Variants in NTM observed in about 807,000 individuals in gnomAD.
The protein encoded by NTM is neurotrimin, also known as IgLON family member 2.
NTM carries 13 observed loss-of-function variants against 42.1 expected under a neutral mutation model. The observed-to-expected ratio is 0.31, with a 90% CI of 0.20 to 0.49. NTM has a LOEUF of 0.49. Ranked by LOEUF, NTM falls within the 20% of genes least tolerant of loss-of-function variation. The probability of loss-of-function intolerance (pLI) is 0.99; values close to 1 mark genes in which losing one functional copy is unlikely to be tolerated. For missense variants in NTM, 373 were observed against 452.8 expected (o/e 0.82, Z 1.60); for synonymous variants, 187 against 179.2 (o/e 1.04, Z -0.35).
chr11:132,016,033 G>A (rs1016414647), intron 2 of NTM, among the ~76,000 whole-genome samples: 11 of 151,674 alleles, frequency 7.3e-5, no homozygotes, highest in African/African-American at 2.7e-4. Flanking sequence ...TTCTCATTCA[G>A]TATGATGTTA....
intron 1 of NTM, among the ~76,000 whole-genome samples, chr11:131,488,651 CCA>C (rs1280066698): frequency 6.6e-5 from 10 of 152,178 alleles, no homozygotes; most frequent in Admixed American, 6.5e-5. Context: ...GGCCAGTCCA[CCA>C]CAGTCTGCCT....
At chr11:131,379,154 G>C (rs1446877330) in intron 1 of NTM, among the ~76,000 whole-genome samples, 1 of 152,166 alleles carries the variant, frequency 6.6e-6, no homozygotes, top group Non-Finnish European at 1.5e-5. Flanking sequence ...TTCACAACCA[G>C]CTCAGGCTGG....
At chr11:131,425,654 C>A (rs1210592133) in intron 1 of NTM, among the ~76,000 whole-genome samples, 1 of 152,154 alleles carries the variant, frequency 6.6e-6, no homozygotes, top group Non-Finnish European at 1.5e-5. Context: ...AAGGGCAAAG[C>A]AGGATCACTT....
In NTM at chr11:132,323,541, A is replaced by G. The variant is rs370918313; in HGVS notation, c.935-6612A>G. On this transcript the variant is annotated intron_variant, in intron 7 of 8. Transcript: ENST00000683400. ...AAATTGCGGCAATAATCAATAGCTT[A>G]CCAACCAAAAAGAGTCCAGGACCAG... is the stretch of plus-strand genomic sequence containing the variant. Among the ~76,000 whole-genome samples the G allele has an allele frequency of 1.7e-4, 26 of 151,976 alleles. No individual in the cohort carries two copies. The East Asian group carries it at 4.1e-3, about 24-fold the overall frequency.
chr11:131,766,511 G>T (rs77349203), intron 1 of NTM, among the ~76,000 whole-genome samples: 1,628 of 152,194 alleles, frequency 0.011, 12 homozygotes, highest in Middle Eastern at 0.02. Context: ...ATTATAAACT[G>T]GTATTTGAGC....
chr11:132,136,315 T>A (rs1375304494), intron 2 of NTM, among the ~76,000 whole-genome samples: 1 of 152,204 alleles, frequency 6.6e-6, no homozygotes, highest in Non-Finnish European at 1.5e-5. Context: ...CCCCAGGCAG[T>A]CATGTGGGCA....
chr11:132,022,479 T>G (rs766268110), intron 2 of NTM, among the ~76,000 whole-genome samples: 3 of 152,206 alleles, frequency 2.0e-5, no homozygotes, highest in Non-Finnish European at 4.4e-5. Context: ...AATTTGTAAG[T>G]ACACTCTTAG....
intron 1 of NTM, among the ~76,000 whole-genome samples, chr11:131,532,555 T>C (rs2051453316): frequency 6.6e-6 from 1 of 152,226 alleles, no homozygotes; most frequent in East Asian, 1.9e-4. Context: ...TTCAAGTCCC[T>C]GCTTTCTATT....
rs563307276 is a variant in NTM at position 132,104,065 on chromosome 11, G to A, written c.168-42217G>A. ...CTACAGAGTATATCTGATGCAGACC[G>A]GGACTGTGTTTTTCGTTGTTGTTGT... On this transcript the variant is annotated intron_variant, in intron 2 of 8. Transcript: ENST00000683400. Among the ~76,000 whole-genome samples, 28 of 152,288 alleles carry A rather than the reference G, an allele frequency of 1.8e-4. No homozygotes were observed. In the South Asian group the frequency reaches 4.8e-3, roughly 26 times the overall value.
rs189723540 is a variant in NTM at position 131,709,825 on chromosome 11, C to G, written c.83-201739C>G. ...TCGCCCAAGGTGTGAGCCTTAGGCA[C>G]TCCAGCACTGACAGGAAGGAGGGAA... is the stretch of plus-strand genomic sequence containing the variant. On this transcript the variant is annotated intron_variant, in intron 1 of 8. Coordinates refer to ENST00000683400, the MANE Select transcript of NTM (RefSeq NM_001352005.2). 7.2e-5 allele frequency among the ~76,000 whole-genome samples: 11 copies of G among 152,158 alleles called. No individual in the cohort carries two copies. The East Asian group carries it at 2.1e-3, about 29-fold the overall frequency.
At position 132,335,333 on chromosome 11, in the gene NTM, A is replaced by T. The variant is rs150146034; in HGVS notation, c.*187A>T. 8.3e-5 allele frequency: 54 copies of T among 652,898 alleles called. No individual in the cohort carries two copies. In the East Asian group the frequency reaches 1.5e-3, roughly 18 times the overall value. 40.4% of individuals were successfully genotyped at this position (652,898 alleles called of 1,614,324 possible). A position where few individuals can be genotyped will look rare whatever the true frequency, so the allele number is the denominator to read the frequency against. On this transcript the variant is annotated 3_prime_UTR_variant, in exon 9 of 9. Coordinates refer to ENST00000683400, the MANE Select transcript of NTM (RefSeq NM_001352005.2). ...TTTGGGGGGAAAAAAGTTTTAAAAA[A>T]GAAATTGAAAATTGCCTTGCAGATA...
intron 1 of NTM, among the ~76,000 whole-genome samples, chr11:131,455,305 C>T (rs1043993207): frequency 1.3e-5 from 2 of 152,194 alleles, no homozygotes; most frequent in African/African-American, 4.8e-5. Flanking sequence ...CGGAGGCTCA[C>T]CCCAGAGGCT....
At chr11:132,105,099 G>A (rs1038540743) in intron 2 of NTM, among the ~76,000 whole-genome samples, 19 of 150,388 alleles carry the variant, frequency 1.3e-4, no homozygotes, top group Admixed American at 2.7e-4. Context: ...GAGACCTCAG[G>A]TTCACTGTGT....
At chr11:131,760,832 A>T (rs1460275073) in intron 1 of NTM, among the ~76,000 whole-genome samples, 1 of 152,140 alleles carries the variant, frequency 6.6e-6, no homozygotes, top group Non-Finnish European at 1.5e-5. Context: ...GTTCCAGGGG[A>T]CGTTGGAGCG....
intron 1 of NTM, among the ~76,000 whole-genome samples, chr11:131,552,217 C>T (rs183763034): frequency 6.6e-6 from 1 of 152,158 alleles, no homozygotes; most frequent in South Asian, 2.1e-4. Flanking sequence ...CAGAAAATAA[C>T]CCTGCCAACA....
intron 1 of NTM, among the ~76,000 whole-genome samples, chr11:131,801,956 C>T (rs2092150054): frequency 6.6e-6 from 1 of 152,036 alleles, no homozygotes; most frequent in African/African-American, 2.4e-5. Context: ...CTCATATTAC[C>T]CTCCCCTCAA....
chr11:131,753,473 C>A (rs1004949670), intron 1 of NTM, among the ~76,000 whole-genome samples: 2 of 152,022 alleles, frequency 1.3e-5, no homozygotes, highest in African/African-American at 4.8e-5. Context: ...TTCACAATAG[C>A]AAAGACTTGG....
intron 2 of NTM, among the ~76,000 whole-genome samples, chr11:132,078,514 C>T (rs989811739): frequency 6.6e-6 from 1 of 152,098 alleles, no homozygotes; most frequent in Non-Finnish European, 1.5e-5. Context: ...AGCAATTAGC[C>T]GTTAAGGGAG....
intron 2 of NTM, among the ~76,000 whole-genome samples, chr11:132,075,592 C>G (rs544201587): frequency 6.6e-6 from 1 of 152,264 alleles, no homozygotes; most frequent in Non-Finnish European, 1.5e-5. Context: ...CAGCTCTTGT[C>G]ATTTCCAAAC....
Sources: gnomAD v4.1 joint callset for allele counts (sites outside exome capture counted in the v4.1 genomes callset) on GRCh38, gnomAD v4.1.1 for gene constraint, MANE v1.5 for transcripts, NCBI Gene and HGNC (gene_info 2026-07-23, HGNC 2026-07-21) for gene names.